Variants in MMD2 observed in about 807,000 individuals in gnomAD.
MMD2 encodes monocyte to macrophage differentiation factor 2.
Under a neutral mutation model 33.5 loss-of-function variants are expected in MMD2, and 30 were observed. That is an observed-to-expected ratio of 0.90 (90% CI 0.67 to 1.22). The LOEUF (loss-of-function observed/expected upper bound fraction) is 1.22. MMD2 is among the 50% of genes most tolerant of loss of function. MMD2 has a pLI of 0.00. For synonymous variants in MMD2, 129 were observed against 123.0 expected (o/e 1.05, Z -0.32); for missense variants, 364 against 325.4 (o/e 1.12, Z -0.91).
At chr7:4,938,002 CTTTTTTTTTT>C (rs1165504272) in intron 1 of MMD2, among the ~76,000 whole-genome samples, 1 of 45,648 alleles carries the variant, frequency 2.2e-5, no homozygotes, top group Non-Finnish European at 3.5e-5. Flanking sequence ...TTCTTTCTTT[CTTTTTTTTTT>C]TTTTTTTTTT....
At chr7:4,923,185 CCTCTGCCTCCTGGGT>C (rs1311283958) in intron 2 of MMD2, among the ~76,000 whole-genome samples, 1 of 152,024 alleles carries the variant, frequency 6.6e-6, no homozygotes, top group Non-Finnish European at 1.5e-5. Flanking sequence ...CTCACTGCAG[CCTCTGCCTCCTGGGT>C]TCAAGTGATT....
At chr7:4,901,923 C>A (rs1411083818), downstream of MMD2, among the ~76,000 whole-genome samples, 2 of 152,210 alleles carry the variant, frequency 1.3e-5, no homozygotes, top group African/African-American at 2.4e-5. Context: ...ATTGACAATG[C>A]TACACACCAG....
intron 6 of MMD2, among the ~76,000 whole-genome samples, chr7:4,908,487 C>T (rs1298005913): frequency 6.6e-6 from 1 of 152,036 alleles, no homozygotes; most frequent in African/African-American, 2.4e-5. Context: ...GGTATATACC[C>T]AAAGAATTGA....
downstream of MMD2, among the ~76,000 whole-genome samples, chr7:4,901,188 C>T (rs1784789512): frequency 6.6e-6 from 1 of 151,114 alleles, no homozygotes; most frequent in Non-Finnish European, 1.5e-5. Flanking sequence ...CACCTGTAAT[C>T]CCACCACCTT....
At chr7:4,905,626 G>A (rs1784853036), downstream of MMD2, among the ~76,000 whole-genome samples, 1 of 152,028 alleles carries the variant, frequency 6.6e-6, no homozygotes, top group Non-Finnish European at 1.5e-5. This position sits in a 1 kb window ranked among gnomAD's most constrained non-coding sequence, Gnocchi z 5.0. Context: ...GCCTTGGGAG[G>A]TCTCCTAAAC....
the MMD2 span, among the ~76,000 whole-genome samples, chr7:4,893,426 C>T: frequency 1.1e-3 from 167 of 151,396 alleles, 1 homozygote; most frequent in African/African-American, 3.9e-3. Context: ...GAGTCTAGCA[C>T]TGTCACTCAG....
intron 1 of MMD2, among the ~76,000 whole-genome samples, chr7:4,949,588 T>C (rs1037747506): frequency 3.3e-5 from 5 of 151,952 alleles, no homozygotes; most frequent in African/African-American, 1.2e-4. Context: ...CTCGGCTCAC[T>C]GCAACCTCTG....
At chr7:4,910,179 A>C (rs1210800742) in intron 5 of MMD2, among the ~76,000 whole-genome samples, 1 of 152,106 alleles carries the variant, frequency 6.6e-6, no homozygotes, top group Non-Finnish European at 1.5e-5. Context: ...CACTTTCCAC[A>C]CCTGTAAAAT....
chr7:4,939,301 T>C (rs1005441141), intron 1 of MMD2, among the ~76,000 whole-genome samples: 2 of 151,704 alleles, frequency 1.3e-5, no homozygotes, highest in Non-Finnish European at 2.9e-5. Flanking sequence ...ATCCCAGCAC[T>C]AGGAAGGCAG....
chr7:4,926,380 C>T (rs1242540227), intron 1 of MMD2, among the ~76,000 whole-genome samples: 1 of 152,176 alleles, frequency 6.6e-6, no homozygotes, highest in Non-Finnish European at 1.5e-5. Context: ...AGGCGTGAGC[C>T]ACCGCTTCCG....
At position 4,907,653 on chromosome 7, in the gene MMD2, G is replaced by A; in HGVS notation, c.538-54C>T. On this transcript the variant is annotated intron_variant, in intron 6 of 6. Transcript: ENST00000401401. The stretch of plus-strand genomic sequence containing the variant: ...GGTCAGAGGGGCAGTCAGTGTGGCT[G>A]AAAGCACCAGCCAGTCCCCACCACC... 10 of 1,577,942 alleles carry A rather than the reference G, an allele frequency of 6.3e-6. No homozygotes were observed. In the East Asian group the frequency reaches 9.0e-5, roughly 14 times the overall value.
intron 1 of MMD2, among the ~76,000 whole-genome samples, chr7:4,956,231 T>A (rs577777213): frequency 1.3e-5 from 2 of 152,106 alleles, no homozygotes; most frequent in South Asian, 2.1e-4. Context: ...AAGACCAGCC[T>A]GGGCAACATA....
At position 4,906,243 on chromosome 7, in the gene MMD2, C is replaced by A; in HGVS notation, c.*1153G>T. On this transcript the variant is annotated 3_prime_UTR_variant, in exon 7 of 7. Coordinates refer to ENST00000401401, the MANE Select transcript of MMD2 (RefSeq NM_198403.4). ...ACCTCCCCAGTAAATGTCCAGGCAGCATTGGACAGAGAGGCTGGCCCCGCC... is the reference window on the plus strand; with the variant it reads ...ACCTCCCCAGTAAATGTCCAGGCAGAATTGGACAGAGAGGCTGGCCCCGCC... The A allele has an allele frequency of 5.4e-6, 2 of 369,016 alleles. No individual in the cohort carries two copies. Among genetic ancestry groups the A allele is most frequent in the Non-Finnish European group, 9.6e-6 (2 of 207,344 alleles). 22.9% of individuals were successfully genotyped at this position (369,016 alleles called of 1,614,324 possible).
intron 1 of MMD2, among the ~76,000 whole-genome samples, chr7:4,947,229 GA>G (rs1326006952): frequency 6.6e-6 from 1 of 151,874 alleles, no homozygotes; most frequent in East Asian, 1.9e-4. Flanking sequence ...AAAAGAAAGA[GA>G]AAAGCGGTTT....
intron 1 of MMD2, among the ~76,000 whole-genome samples, chr7:4,944,472 G>A (rs563453510): frequency 6.6e-6 from 1 of 152,240 alleles, no homozygotes; most frequent in Non-Finnish European, 1.5e-5. Context: ...TGGATCTGTG[G>A]AGCAGGCTCC....
At chr7:4,926,686 G>C (rs1484146144) in intron 1 of MMD2, among the ~76,000 whole-genome samples, 1 of 152,192 alleles carries the variant, frequency 6.6e-6, no homozygotes, top group South Asian at 2.1e-4. Context: ...TTTGCTTAAC[G>C]TGATTTTTGC....
At chr7:4,955,642 G>C (rs545290885) in intron 1 of MMD2, among the ~76,000 whole-genome samples, 1 of 152,208 alleles carries the variant, frequency 6.6e-6, no homozygotes, top group African/African-American at 2.4e-5. Context: ...TAATGCCTTG[G>C]ATATAAAGAG....
chr7:4,926,918 A>G (rs1464491671), intron 1 of MMD2, among the ~76,000 whole-genome samples: 2 of 151,504 alleles, frequency 1.3e-5, no homozygotes, highest in Non-Finnish European at 2.9e-5. Flanking sequence ...CTGATTTTTT[A>G]TATTTTTAGT....
chr7:4,903,094 T>A (rs1037101326), downstream of MMD2, among the ~76,000 whole-genome samples: 3 of 151,996 alleles, frequency 2.0e-5, no homozygotes, highest in African/African-American at 7.2e-5. Flanking sequence ...ACAAATTAGC[T>A]GGGTGTGGTG....
Sources: gnomAD v4.1 joint callset for allele counts (sites outside exome capture counted in the v4.1 genomes callset) on GRCh38, gnomAD v4.1.1 for gene constraint, Gnocchi (gnomAD v3.1) non-coding constraint, MANE v1.5 for transcripts, NCBI Gene and HGNC (gene_info 2026-07-23, HGNC 2026-07-21) for gene names.